Variants in ATP2B1 observed in about 807,000 individuals in gnomAD.
ATP2B1 encodes ATPase plasma membrane Ca2+ transporting 1.
A neutral mutation model predicts 124.2 loss-of-function variants in ATP2B1; 14 were observed. The observed-to-expected ratio is 0.11, with a 90% CI of 0.07 to 0.18. ATP2B1 has a LOEUF of 0.18. Ranked by LOEUF, ATP2B1 falls within the 10% of genes least tolerant of loss-of-function variation. The pLI is 1.00. For missense variants in ATP2B1, 763 were observed against 1,466.1 expected (o/e 0.52, Z 7.83); for synonymous variants, 449 against 492.4 (o/e 0.91, Z 1.17).
intron 1 of ATP2B1, among the ~76,000 whole-genome samples, chr12:89,668,054 T>C (rs1887520456): frequency 6.6e-6 from 1 of 151,704 alleles, no homozygotes; most frequent in East Asian, 1.9e-4. Flanking sequence ...TGAGGCAGAG[T>C]AGTGCACAGC....
intron 1 of ATP2B1, among the ~76,000 whole-genome samples, chr12:89,680,012 C>A (rs1202226420): frequency 6.6e-6 from 1 of 152,108 alleles, no homozygotes; most frequent in East Asian, 1.9e-4. Flanking sequence ...ACTCCTGCCT[C>A]CTCTTCACTA....
chr12:89,687,226 A>C (rs1890064869), intron 1 of ATP2B1, among the ~76,000 whole-genome samples: 1 of 152,148 alleles, frequency 6.6e-6, no homozygotes, highest in South Asian at 2.1e-4. Flanking sequence ...TTATAATACC[A>C]ATTTTTACTG....
chr12:89,664,589 T>C (rs1223420101), intron 1 of ATP2B1, among the ~76,000 whole-genome samples: 1 of 152,196 alleles, frequency 6.6e-6, no homozygotes, highest in Non-Finnish European at 1.5e-5. Context: ...GTTCTTAAAC[T>C]TCAGCATGCA....
chr12:89,615,824 C>G (rs996902147), intron 12 of ATP2B1, among the ~76,000 whole-genome samples: 1 of 152,134 alleles, frequency 6.6e-6, no homozygotes, highest in Non-Finnish European at 1.5e-5. Flanking sequence ...GGTCTATGCT[C>G]TATACATTCT....
At chr12:89,670,101 A>T (rs1220125850) in intron 1 of ATP2B1, among the ~76,000 whole-genome samples, 1 of 152,166 alleles carries the variant, frequency 6.6e-6, no homozygotes, top group African/African-American at 2.4e-5. Context: ...TTAAATGCCA[A>T]ATTGGAAAAC....
intron 19 of ATP2B1, 134 bp downstream of exon 19, chr12:89,601,192 T>C (rs934912203): frequency 6.4e-6 from 4 of 622,830 alleles, no homozygotes; most frequent in Middle Eastern, 2.8e-4. Context: ...AAAAAACTTA[T>C]CTTTGAATGC....
chr12:89,643,065 TAC>T (rs145355576), intron 2 of ATP2B1, among the ~76,000 whole-genome samples: 3,640 of 143,542 alleles, frequency 0.025, 111 homozygotes, highest in African/African-American at 0.074. Context: ...TAAAGATACA[TAC>T]ACACACACAC....
At chr12:89,596,670 A>G (rs983728935) in intron 20 of ATP2B1, among the ~76,000 whole-genome samples, 1 of 152,174 alleles carries the variant, frequency 6.6e-6, no homozygotes, top group Non-Finnish European at 1.5e-5. Flanking sequence ...GTGTCATAAA[A>G]TATTAAGTGG....
At chr12:89,625,479 G>C (rs769475747) in intron 8 of ATP2B1, among the ~76,000 whole-genome samples, 38 of 151,730 alleles carry the variant, frequency 2.5e-4, no homozygotes, top group Non-Finnish European at 4.3e-4. Context: ...AGCTACTTCG[G>C]GGGTGGAGGC....
chr12:89,604,158 A>G lies in ATP2B1; in HGVS notation c.2631T>C (p.Thr877=). Residue 877 remains threonine, a synonymous_variant, in exon 16 of 21, where the codon ACT becomes ACC. Transcript: ENST00000428670. ...VIVAFTGACI[T]QDSPLKAVQM... ...TGATAGACAAGTCATCACCTACTTG[A>G]GTAATGCAGGCGCCCGTAAAAGCAA... 2.5e-6 allele frequency: 4 copies of G among 1,613,326 alleles called. No homozygotes were observed. The highest frequency in any genetic ancestry group is 3.4e-6 in the Non-Finnish European group (4 of 1,179,842).
At chr12:89,669,017 T>C (rs1007348331) in intron 1 of ATP2B1, among the ~76,000 whole-genome samples, 6 of 152,090 alleles carry the variant, frequency 3.9e-5, no homozygotes, top group African/African-American at 1.2e-4. Context: ...TGTGCTTCTA[T>C]AATCTTTTTG....
chr12:89,635,267 G>C lies in ATP2B1; in HGVS notation c.407-16C>G, dbSNP rs1448613551. ...TCTCCACAAACTATTTGGAAAGAAA[G>C]AAAATGCTTATCAAAAAGATTCTGA... On this transcript the variant is annotated splice_polypyrimidine_tract_variant and intron_variant, in intron 3 of 20. Coordinates refer to ENST00000428670, the MANE Select transcript of ATP2B1 (RefSeq NM_001366521.1). 6.2e-7 allele frequency: 1 copy of C among 1,602,614 alleles called. No individual in the cohort carries two copies. Among genetic ancestry groups the C allele is most frequent in the East Asian group, 2.2e-5 (1 of 44,758 alleles).
chr12:89,693,659 A>G (rs1273385882), intron 1 of ATP2B1, among the ~76,000 whole-genome samples: 1 of 152,200 alleles, frequency 6.6e-6, no homozygotes, highest in Admixed American at 6.5e-5. Context: ...TTCCTATGAT[A>G]CTTGTGCTTG....
intron 12 of ATP2B1, among the ~76,000 whole-genome samples, chr12:89,616,222 A>G (rs1482299633): frequency 6.6e-6 from 1 of 152,186 alleles, no homozygotes; most frequent in Non-Finnish European, 1.5e-5. Context: ...TAGTTGTTCA[A>G]CAAACTTAAA....
intron 9 of ATP2B1, 76 bp from the exon 10 acceptor site, chr12:89,621,867 A>T: frequency 3.0e-6 from 4 of 1,326,498 alleles, no homozygotes; most frequent in Non-Finnish European, 4.0e-6. Flanking sequence ...AATGATTATA[A>T]ATTGTTTTAA....
intron 8 of ATP2B1, 114 bp downstream of exon 8, chr12:89,626,340 C>T: frequency 1.8e-6 from 2 of 1,131,846 alleles, no homozygotes; most frequent in South Asian, 1.7e-5. Context: ...ATATTTCAAA[C>T]TCCCCTTCTA....
chr12:89,699,648 A>G (rs1294785248), intron 1 of ATP2B1, among the ~76,000 whole-genome samples: 1 of 152,208 alleles, frequency 6.6e-6, no homozygotes, highest in Non-Finnish European at 1.5e-5. Flanking sequence ...TTTAGTGGTG[A>G]AGATAAATTT....
Position 89,656,060 on chromosome 12 carries a change from C to CCTG in ATP2B1, c.-175_-174insCAG. On this transcript the variant is annotated 5_prime_UTR_variant, in exon 2 of 21. Transcript: ENST00000428670. ...ACATTTCCCAGAGAAGTATCTTGAC[C>CCTG]TTTGGCCCATGACTAGTTTCTCCAT... 2 of 619,256 alleles carry CCTG rather than the reference C, an allele frequency of 3.2e-6. No individual in the cohort carries two copies. The highest frequency in any genetic ancestry group is 3.3e-5 in the Admixed American group (1 of 30,128). 38.4% of individuals were successfully genotyped at this position (619,256 alleles called of 1,614,324 possible).
intron 12 of ATP2B1, among the ~76,000 whole-genome samples, chr12:89,612,751 T>C (rs943610247): frequency 6.6e-6 from 1 of 152,202 alleles, no homozygotes; most frequent in African/African-American, 2.4e-5. Flanking sequence ...CATACCTCTA[T>C]TACAGATCAT....
Sources: allele counts gnomAD v4.1 joint callset (sites outside exome capture counted in the v4.1 genomes callset), GRCh38; gene constraint gnomAD v4.1.1; transcripts MANE v1.5; gene names NCBI Gene and HGNC (gene_info 2026-07-23, HGNC 2026-07-21).